DOCK3: variants seen among roughly 807,000 people sequenced by gnomAD.
DOCK3 encodes the protein dedicator of cytokinesis protein 3.
DOCK3 carries 60 observed loss-of-function variants against 265.6 expected under a neutral mutation model. The observed-to-expected ratio is 0.23, with a 90% CI of 0.18 to 0.28. The LOEUF is 0.28. Among genes scored for constraint, DOCK3 ranks in the 10% least tolerant of loss-of-function variants. The probability of loss-of-function intolerance (pLI) is 1.00; values close to 1 mark genes in which losing one functional copy is unlikely to be tolerated. For synonymous variants in DOCK3, 881 were observed against 938.0 expected (o/e 0.94, Z 1.11); for missense variants, 1,981 against 2,594.3 (o/e 0.76, Z 5.14).
chr3:51,264,177 G>A (rs914234375), intron 23 of DOCK3, among the ~76,000 whole-genome samples: 10 of 152,160 alleles, frequency 6.6e-5, no homozygotes, highest in South Asian at 2.1e-4. Context: ...AACACTCTTC[G>A]GCAAATGCAG....
At chr3:51,227,912 C>A in intron 16 of DOCK3, 70 bp from the exon 17 acceptor site, 1 of 1,454,580 alleles carries the variant, frequency 6.9e-7, no homozygotes. Flanking sequence ...AGGTGATAAG[C>A]ACAAGGAGAA....
At chr3:50,764,886 A>G (rs541509627) in intron 1 of DOCK3, among the ~76,000 whole-genome samples, 2 of 152,202 alleles carry the variant, frequency 1.3e-5, no homozygotes, top group African/African-American at 4.8e-5. Flanking sequence ...TTCATTATAT[A>G]TAGTTAACAA....
chr3:50,678,816 T>A (rs2034172601), intron 1 of DOCK3, among the ~76,000 whole-genome samples: 2 of 152,004 alleles, frequency 1.3e-5, no homozygotes, highest in African/African-American at 2.4e-5. Context: ...TAATTTTTTT[T>A]TTTCTTTTTT....
At chr3:51,150,078 G>A (rs1417827346) in intron 10 of DOCK3, among the ~76,000 whole-genome samples, 1 of 152,150 alleles carries the variant, frequency 6.6e-6, no homozygotes, top group Non-Finnish European at 1.5e-5. Flanking sequence ...GAGGGTGTAT[G>A]TGTCCAGGAA....
intron 1 of DOCK3, among the ~76,000 whole-genome samples, chr3:50,770,671 G>A (rs756510133): frequency 1.1e-4 from 17 of 152,106 alleles, no homozygotes; most frequent in Non-Finnish European, 1.8e-4. Flanking sequence ...TGGAGGAATC[G>A]CATTACCTGA....
At chr3:50,984,070 C>T (rs2077803363) in intron 5 of DOCK3, among the ~76,000 whole-genome samples, 1 of 151,830 alleles carries the variant, frequency 6.6e-6, no homozygotes, top group African/African-American at 2.4e-5. Context: ...TGCCAGACCC[C>T]ACACTTGCTC....
At chr3:50,783,497 A>G (rs186900670) in intron 2 of DOCK3, among the ~76,000 whole-genome samples, 18 of 152,226 alleles carry the variant, frequency 1.2e-4, no homozygotes, top group Middle Eastern at 3.4e-3. Context: ...TCAATGGACA[A>G]TTCTTGAGAA....
intron 5 of DOCK3, among the ~76,000 whole-genome samples, chr3:51,031,617 A>G (rs574653604): frequency 5.4e-4 from 82 of 152,334 alleles, no homozygotes; most frequent in African/African-American, 1.9e-3. Flanking sequence ...TTTTGGAGGG[A>G]CAAAAGCAGT....
chr3:51,084,263 A>G (rs2082341865), intron 7 of DOCK3, among the ~76,000 whole-genome samples: 1 of 152,198 alleles, frequency 6.6e-6, no homozygotes, highest in African/African-American at 2.4e-5. Flanking sequence ...ATGTAATCTA[A>G]TAAGATTTTA....
intron 27 of DOCK3, among the ~76,000 whole-genome samples, chr3:51,284,824 A>G (rs912272079): frequency 6.6e-6 from 1 of 152,120 alleles, no homozygotes; most frequent in Non-Finnish European, 1.5e-5. Flanking sequence ...GCTCCCACCC[A>G]AGAGACTATC....
chr3:51,262,344 C>T (rs2079900890), intron 23 of DOCK3, among the ~76,000 whole-genome samples: 1 of 152,178 alleles, frequency 6.6e-6, no homozygotes, highest in African/African-American at 2.4e-5. Context: ...AGAAGAAAAA[C>T]TAACAAACAG....
At chr3:51,127,907 G>A (rs1175131599) in intron 9 of DOCK3, among the ~76,000 whole-genome samples, 1 of 152,166 alleles carries the variant, frequency 6.6e-6, no homozygotes, top group Admixed American at 6.5e-5. Flanking sequence ...ACTAAGAGAT[G>A]CCCTAATGGG....
intron 5 of DOCK3, among the ~76,000 whole-genome samples, chr3:51,025,226 C>A (rs1470508741): frequency 6.6e-6 from 1 of 152,126 alleles, no homozygotes; most frequent in African/African-American, 2.4e-5. Flanking sequence ...AGCTCTGATT[C>A]TCCTTGTGCA....
rs186678985 is a variant in DOCK3, at chr3:51,064,022, C to G, written c.316-426C>G. On this transcript the variant is annotated intron_variant, in intron 5 of 52. Transcript: ENST00000266037. ...TTGCTTCAAAATAGGGCAAATGATT[C>G]TTCCTCTCCCAACTTGGATATCTCT... 2.2e-3 allele frequency among the ~76,000 whole-genome samples: 339 copies of G among 152,336 alleles called. 1 individual carries two copies. Among genetic ancestry groups the G allele is most frequent in the African/African-American group, 7.9e-3 (329 of 41,594 alleles).
intron 26 of DOCK3, among the ~76,000 whole-genome samples, chr3:51,278,825 G>A (rs1027166217): frequency 2.0e-5 from 3 of 152,024 alleles, no homozygotes; most frequent in Non-Finnish European, 4.4e-5. Flanking sequence ...TTACATAATG[G>A]ACTTTATTCT....
chr3:51,249,380 G>C (rs1355076136), intron 22 of DOCK3, among the ~76,000 whole-genome samples: 1 of 143,142 alleles, frequency 7.0e-6, no homozygotes, highest in Non-Finnish European at 1.6e-5. Context: ...GAGGTGGGGG[G>C]GTTAGCCCCC....
At chr3:51,348,754 C>T (rs1015417226) in intron 38 of DOCK3, 98 bp from the exon 39 acceptor site, 30 of 1,226,974 alleles carry the variant, frequency 2.4e-5, no homozygotes, top group African/African-American at 2.1e-4. Flanking sequence ...TTGGAGCTGG[C>T]GGGAGACCTT....
chr3:50,827,146 GAC>G (rs1383724711), intron 2 of DOCK3, among the ~76,000 whole-genome samples: 1 of 152,194 alleles, frequency 6.6e-6, no homozygotes, highest in Non-Finnish European at 1.5e-5. Context: ...CCAGGAATCA[GAC>G]TGACATTGGA....
chr3:50,895,737 C>T (rs2048864498), intron 4 of DOCK3, among the ~76,000 whole-genome samples: 1 of 152,202 alleles, frequency 6.6e-6, no homozygotes, highest in African/African-American at 2.4e-5. Context: ...CACTGTTTAA[C>T]TCCCACTTAT....
Sources: gnomAD v4.1 joint callset for allele counts (sites outside exome capture counted in the v4.1 genomes callset) on GRCh38, gnomAD v4.1.1 for gene constraint, MANE v1.5 for transcripts, NCBI Gene and HGNC (gene_info 2026-07-23, HGNC 2026-07-21) for gene names.